Variants in DNAH8 observed in about 807,000 individuals in gnomAD.
DNAH8 encodes dynein axonemal heavy chain 8.
In DNAH8, 382 loss-of-function variants were observed where a neutral mutation model predicts 562.1. The observed-to-expected ratio is 0.68, with a 90% CI of 0.63 to 0.74. The LOEUF is 0.74. Among genes scored for constraint, DNAH8 ranks in the 30% least tolerant of loss-of-function variants. DNAH8 has a pLI of 0.00. For synonymous variants in DNAH8, 1,881 were observed against 1,919.4 expected (o/e 0.98, Z 0.52); for missense variants, 5,203 against 5,620.4 (o/e 0.93, Z 2.37).
At chr6:38,744,372 G>A (rs951882005) in intron 8 of DNAH8, 1 of 152,006 alleles carries the variant, frequency 6.6e-6, no homozygotes, top group Non-Finnish European at 1.5e-5. Flanking sequence ...GCAATGTAGC[G>A]AGACCCTATC....
intron 82 of DNAH8, among the ~76,000 whole-genome samples, chr6:38,956,402 G>C (rs1762246941): frequency 6.6e-6 from 1 of 152,196 alleles, no homozygotes; most frequent in Non-Finnish European, 1.5e-5. Flanking sequence ...CTCAGCTCCA[G>C]TTCCTCCTGC....
intron 87 of DNAH8, among the ~76,000 whole-genome samples, chr6:38,988,263 C>T (rs1250069452): frequency 2.0e-5 from 3 of 152,176 alleles, no homozygotes; most frequent in African/African-American, 7.2e-5. Context: ...ATGTAGATTT[C>T]ATATTTCATA....
chr6:38,955,431 GGTCA>G lies in DNAH8; in HGVS notation c.12451+3913_12451+3916del, dbSNP rs10592220. 4.2e-3 allele frequency among the ~76,000 whole-genome samples: 633 copies of G among 152,130 alleles called. 4 individuals are homozygous for G. The highest frequency in any genetic ancestry group is 0.015 in the African/African-American group (607 of 41,520). On this transcript the variant is annotated intron_variant, in intron 82 of 92. Transcript: ENST00000327475. Reference sequence around the variant, plus strand: ...GGATCATCTGAGGTCAGGAGTTTGAGGTCAGCCTGACCAACATGGCAAAACCCCA... The same window carrying G: ...GGATCATCTGAGGTCAGGAGTTTGAGGCCTGACCAACATGGCAAAACCCCA...
chr6:38,833,577 C>T (rs1403329428), intron 31 of DNAH8, among the ~76,000 whole-genome samples: 1 of 152,150 alleles, frequency 6.6e-6, no homozygotes, highest in Non-Finnish European at 1.5e-5. Context: ...TTAGAAACAG[C>T]TTAACTAATC....
intron 10 of DNAH8, among the ~76,000 whole-genome samples, chr6:38,760,366 A>C (rs1678677): frequency 0.25 from 38,358 of 151,970 alleles, 5,386 homozygotes; most frequent in East Asian, 0.46. Flanking sequence ...TGGTGCTAAT[A>C]TGATTCTTGT....
chr6:38,876,354 C>A (rs1314307972), intron 53 of DNAH8, among the ~76,000 whole-genome samples: 3 of 120,314 alleles, frequency 2.5e-5, no homozygotes, highest in African/African-American at 8.5e-5. Context: ...TCATCCAGAG[C>A]CCAGGCCCTG....
At chr6:38,836,179 C>T (rs955768309) in intron 32 of DNAH8, among the ~76,000 whole-genome samples, 5 of 152,068 alleles carry the variant, frequency 3.3e-5, no homozygotes, top group Non-Finnish European at 7.4e-5. Context: ...CTTGTTTGAG[C>T]GGATGACCTT....
At position 38,842,907 on chromosome 6, in the gene DNAH8, C is replaced by T. The variant is rs1774940571; in HGVS notation, c.4845+4C>T. The T allele has an allele frequency of 6.2e-7, 1 of 1,612,966 alleles. No individual in the cohort carries two copies. The highest frequency in any genetic ancestry group is 8.5e-7 in the Non-Finnish European group (1 of 1,179,474). On this transcript the variant is annotated splice_donor_region_variant and intron_variant, in intron 35 of 92. Coordinates refer to ENST00000327475, the MANE Select transcript of DNAH8 (RefSeq NM_001206927.2). ...TAAACATAAGGATGATATTGAGGTACATAAGTGTATACGTTCTTATCAATG... is the reference window on the plus strand; with the variant it reads ...TAAACATAAGGATGATATTGAGGTATATAAGTGTATACGTTCTTATCAATG...
rs750596317 is a variant in DNAH8, at chr6:38,896,097, A to C, written c.8812A>C (p.Ile2938Leu). The change falls in exon 60 of 93, where the codon ATT becomes CTT. Residue 2938 changes from isoleucine (I) to leucine (L), a missense_variant. Ile to Leu is a conservative substitution (Grantham distance 5). Transcript: ENST00000327475. The part of the protein sequence containing the change: ...AHLTRAVEEN[I>L]GSDAASCILP... Reference sequence around the variant, plus strand: ...TCTTACTCGTGCAGTTGAAGAAAATATTGGCTCTGATGCAGCGTCGTGTAT... The same window carrying C: ...TCTTACTCGTGCAGTTGAAGAAAATCTTGGCTCTGATGCAGCGTCGTGTAT... The C allele has an allele frequency of 6.2e-6, 10 of 1,614,010 alleles. No homozygotes were observed. In the South Asian group the frequency reaches 1.1e-4, roughly 18 times the overall value.
At chr6:38,929,418 TC>T in intron 74 of DNAH8, 92 bp from the exon 75 acceptor site, 1 of 1,287,656 alleles carries the variant, frequency 7.8e-7, no homozygotes, top group East Asian at 2.6e-5. Context: ...CCCTTAAAAT[TC>T]TTGATTACCT....
chr6:38,970,444 A>G (rs1763258633), intron 82 of DNAH8, among the ~76,000 whole-genome samples: 1 of 151,954 alleles, frequency 6.6e-6, no homozygotes, highest in African/African-American at 2.4e-5. Context: ...TACTTGGCCC[A>G]TTTCAATTCC....
chr6:38,982,448 T>C lies in DNAH8; in HGVS notation c.12937T>C (p.Cys4313Arg), dbSNP rs962594921. The C allele has an allele frequency of 3.8e-5, 58 of 1,534,732 alleles. No individual in the cohort carries two copies. The highest frequency in any genetic ancestry group is 5.2e-5 in the Non-Finnish European group (58 of 1,108,298). Residue 4313 changes from cysteine (C) to arginine (R), a missense_variant, in exon 86 of 93, where the codon TGC (cysteine) becomes CGC (arginine). By Grantham distance (180) the Cys-to-Arg change is radical. Transcript: ENST00000327475. ...VQFIQNHLDE[C>R]DIKKGVSWNT... ...GTTTATTCAGAATCACCTTGATGAA[T>C]GCGATATTAAGAAAGTGAGTGAAAT...
At chr6:38,914,629 C>T (rs913515118) in intron 67 of DNAH8, among the ~76,000 whole-genome samples, 8 of 151,964 alleles carry the variant, frequency 5.3e-5, no homozygotes, top group African/African-American at 1.9e-4. Context: ...GGATTACAGG[C>T]ATGAGCCATG....
chr6:38,923,642 AT>A, intron 72 of DNAH8: 1 of 204,934 alleles, frequency 4.9e-6, no homozygotes, highest in Non-Finnish European at 9.6e-6. Flanking sequence ...AAATAAAAAA[AT>A]AAAAAGGGAG....
At chr6:38,792,878 A>G (rs1156698207) in intron 21 of DNAH8, among the ~76,000 whole-genome samples, 1 of 152,098 alleles carries the variant, frequency 6.6e-6, no homozygotes, top group African/African-American at 2.4e-5. Flanking sequence ...TCCTGGGCTC[A>G]AGTGATCTTC....
intron 82 of DNAH8, among the ~76,000 whole-genome samples, chr6:38,968,186 A>G (rs1763095358): frequency 6.6e-6 from 1 of 152,200 alleles, no homozygotes; most frequent in African/African-American, 2.4e-5. Flanking sequence ...TAAAACCATA[A>G]CATACTTAGT....
At chr6:39,028,541 G>T (rs992257642) in intron 92 of DNAH8, among the ~76,000 whole-genome samples, 8 of 152,102 alleles carry the variant, frequency 5.3e-5, no homozygotes, top group Admixed American at 1.3e-4. Context: ...AGTCACATTG[G>T]ATTTAGGACC....
intron 21 of DNAH8, among the ~76,000 whole-genome samples, chr6:38,802,699 C>A (rs996699574): frequency 6.6e-6 from 1 of 152,206 alleles, no homozygotes; most frequent in Non-Finnish European, 1.5e-5. Context: ...CATTACTCAT[C>A]CCAAGATCAG....
intron 88 of DNAH8, among the ~76,000 whole-genome samples, chr6:39,000,346 G>C (rs1765407105): frequency 6.6e-6 from 1 of 152,144 alleles, no homozygotes; most frequent in Non-Finnish European, 1.5e-5. Context: ...TAGTGAGACA[G>C]GCTCCATTTA....
Sources: allele counts gnomAD v4.1 joint callset (sites outside exome capture counted in the v4.1 genomes callset), GRCh38; gene constraint gnomAD v4.1.1; transcripts MANE v1.5; gene names NCBI Gene and HGNC (gene_info 2026-07-23, HGNC 2026-07-21).